The following RPL34 variants were observed in gnomAD, a reference collection of about 807,000 sequenced individuals.
RPL34 encodes ribosomal protein L34.
Under a neutral mutation model 16.3 loss-of-function variants are expected in RPL34, and 2 were observed. The ratio of observed to expected loss-of-function variants is 0.12; its 90% CI spans 0.05 to 0.39. RPL34 has a LOEUF of 0.39. RPL34 is among the 10% of genes least tolerant of loss of function. The pLI is 0.99. For synonymous variants in RPL34, 47 were observed against 48.5 expected (o/e 0.97, Z 0.13); for missense variants, 82 against 148.8 (o/e 0.55, Z 2.33).
At chr4:108,622,868 C>G in intron 4 of RPL34, 1 of 374,558 alleles carries the variant, frequency 2.7e-6, no homozygotes, top group Non-Finnish European at 4.8e-6. Flanking sequence ...GTAAGAAAGT[C>G]TCTGTTAGTG....
chr4:108,622,224 T>G lies in RPL34; in HGVS notation c.165+20T>G, dbSNP rs1039811753. 2 of 1,523,868 alleles carry G rather than the reference T, an allele frequency of 1.3e-6. No individual in the cohort carries two copies. Among genetic ancestry groups the G allele is most frequent in the African/African-American group, 2.7e-5 (2 of 73,150 alleles). The allele number at this position is 1,523,868 out of a possible 1,614,324, so 94.4% of individuals were successfully genotyped here. ...CGAGGGGTAAGTGTACCTTTTACTG[T>G]GTGCAGCCTAACAAGTCTTGAACTT... On this transcript the variant is annotated intron_variant, in intron 3 of 4. Transcript: ENST00000394667.
At chr4:108,626,573 G>A (rs551999994), downstream of RPL34, among the ~76,000 whole-genome samples, 5 of 151,326 alleles carry the variant, frequency 3.3e-5, no homozygotes, top group Non-Finnish European at 5.9e-5. Context: ...AGCCTCCTGA[G>A]GATTACAGGC....
At chr4:108,624,071 C>T (rs901525374) in intron 4 of RPL34, among the ~76,000 whole-genome samples, 8 of 152,030 alleles carry the variant, frequency 5.3e-5, no homozygotes, top group African/African-American at 1.9e-4. Flanking sequence ...TTTTTTTCCC[C>T]CAGTCTTTGG....
At chr4:108,622,706 A>G in intron 4 of RPL34, 88 bp downstream of exon 4, 1 of 751,850 alleles carries the variant, frequency 1.3e-6, no homozygotes, top group Non-Finnish European at 2.2e-6. Context: ...GAAGCAACTC[A>G]TTTTAAACCA....
downstream of RPL34, chr4:108,629,934 G>A (rs1372530511): frequency 1.3e-5 from 2 of 152,172 alleles, no homozygotes; most frequent in Non-Finnish European, 2.9e-5. Context: ...TCCTCACAGA[G>A]TAAGATTGTG....
At chr4:108,623,393 G>A (rs1725864381) in intron 4 of RPL34, 1 of 152,094 alleles carries the variant, frequency 6.6e-6, no homozygotes, top group South Asian at 2.1e-4. Flanking sequence ...ATAAAAGGTA[G>A]ATTAGCTTAA....
intron 1 of RPL34, chr4:108,621,148 C>T (rs1725752892): frequency 1.3e-5 from 2 of 152,238 alleles, no homozygotes; most frequent in African/African-American, 4.8e-5. Flanking sequence ...TCTGGTAATT[C>T]TGTTTTAGTT....
downstream of RPL34, among the ~76,000 whole-genome samples, chr4:108,629,088 G>A (rs532654812): frequency 1.9e-3 from 283 of 152,294 alleles, 1 homozygote; most frequent in Non-Finnish European, 3.3e-3. Context: ...AAAGTGTTGG[G>A]ATGACAGGCT....
chr4:108,625,064 CTG>C, intron 4 of RPL34, 62 bp from the exon 5 acceptor site: 2 of 1,153,152 alleles, frequency 1.7e-6, no homozygotes, highest in Admixed American at 1.9e-5. Context: ...TTTGCCTTCT[CTG>C]TGCTAAATAA....
downstream of RPL34, among the ~76,000 whole-genome samples, chr4:108,629,832 A>T (rs1726121604): frequency 6.6e-6 from 1 of 152,242 alleles, no homozygotes; most frequent in Non-Finnish European, 1.5e-5. Context: ...AGTGATTAAG[A>T]GCTTGGGCTT....
intron 4 of RPL34, among the ~76,000 whole-genome samples, chr4:108,623,841 A>C (rs1379599918): frequency 6.6e-6 from 1 of 152,238 alleles, no homozygotes; most frequent in Non-Finnish European, 1.5e-5. Context: ...TCTGTGATAC[A>C]CAGCAAAGCT....
chr4:108,622,679 C>A, intron 4 of RPL34, 61 bp downstream of exon 4: 1 of 1,036,178 alleles, frequency 9.7e-7, no homozygotes, highest in Non-Finnish European at 1.4e-6. Context: ...ATACTGTCTG[C>A]TGATCAGTAC....
chr4:108,621,022 G>A (rs1725743796), intron 1 of RPL34: 1 of 152,204 alleles, frequency 6.6e-6, no homozygotes, highest in African/African-American at 2.4e-5. Context: ...TGCGTCCAAG[G>A]CCCATGTCAA....
intron 4 of RPL34, 135 bp from the exon 5 acceptor site, chr4:108,624,991 CTG>C: frequency 1.7e-6 from 1 of 605,814 alleles, no homozygotes; most frequent in South Asian, 2.1e-5. Context: ...AAGTTTTACT[CTG>C]TATTTGTGTA....
At chr4:108,622,247 C>G in intron 3 of RPL34, 43 bp downstream of exon 3, 1 of 1,342,244 alleles carries the variant, frequency 7.5e-7, no homozygotes, top group South Asian at 1.2e-5. Context: ...AAGTCTTGAA[C>G]TTACTGAGCT....
intron 3 of RPL34, 114 bp from the exon 4 acceptor site, chr4:108,622,401 A>G (rs1725822078): frequency 1.2e-6 from 1 of 849,392 alleles, no homozygotes; most frequent in Admixed American, 2.2e-5. Context: ...TTTCAGATAA[A>G]TGAGTACACC....
intron 4 of RPL34, among the ~76,000 whole-genome samples, chr4:108,624,068 C>T (rs76881521): frequency 2.9e-5 from 1 of 34,174 alleles, no homozygotes; most frequent in Non-Finnish European, 5.9e-5. Flanking sequence ...GGCTTTTTTT[C>T]CCCCAGTCTT....
At chr4:108,620,847 T>C (rs3796933) in intron 1 of RPL34, 42,623 of 152,370 alleles carry the variant, frequency 0.28, 6,863 homozygotes, top group East Asian at 0.57. Flanking sequence ...GCATTCCAAG[T>C]GTAGCGTTTG....
chr4:108,622,746 A>G (rs1288160979), intron 4 of RPL34, 128 bp downstream of exon 4: 13 of 552,748 alleles, frequency 2.4e-5, no homozygotes, highest in Non-Finnish European at 3.6e-5. Flanking sequence ...TTTCTTTGCT[A>G]TGGATAATTG....
Sources: allele counts gnomAD v4.1 joint callset (sites outside exome capture counted in the v4.1 genomes callset), GRCh38; gene constraint gnomAD v4.1.1; transcripts MANE v1.5; gene names NCBI Gene and HGNC (gene_info 2026-07-23, HGNC 2026-07-21).